Variants in CLEC9A observed in about 807,000 individuals in gnomAD.
CLEC9A encodes C-type lectin domain containing 9A, also known as C-type lectin domain family 9 member A.
In CLEC9A, 24 loss-of-function variants were observed where a neutral mutation model predicts 30.0. The ratio of observed to expected loss-of-function variants is 0.80; its 90% CI spans 0.58 to 1.13. The LOEUF is 1.13. Ranked by LOEUF, CLEC9A falls within the 50% of genes most tolerant of loss-of-function variation. The pLI is 0.00. For missense variants in CLEC9A, 251 were observed against 280.9 expected, an observed-to-expected ratio of 0.89 and a Z score of 0.76; for synonymous variants, 111 against 96.8, an observed-to-expected ratio of 1.15 and a Z score of -0.86.
At chr12:10,042,327 A>C (rs767296481) in intron 2 of CLEC9A, among the ~76,000 whole-genome samples, 1 of 152,204 alleles carries the variant, frequency 6.6e-6, no homozygotes, top group African/African-American at 2.4e-5. Context: ...CTGTCACACA[A>C]TAGCTCCTGT....
At chr12:10,061,299 T>G in intron 6 of CLEC9A, 26 bp downstream of exon 6, 2 of 1,590,878 alleles carry the variant, frequency 1.3e-6, no homozygotes, top group Non-Finnish European at 1.7e-6. Flanking sequence ...CAGTTTCCAC[T>G]GTATACATCT....
In CLEC9A at chr12:10,041,668, C is replaced by T. The variant is rs559181541; in HGVS notation, c.-163+48C>T. ...TATTTTGGAGGCAAGGGAGAAAACT[C>T]TCAAATGTAACATTTGACCTTTTTT... On this transcript the variant is annotated intron_variant, in intron 2 of 8. Coordinates refer to ENST00000355819, the MANE Select transcript of CLEC9A (RefSeq NM_207345.4). 531 of 523,952 alleles carry T rather than the reference C, an allele frequency of 1.0e-3. 2 individuals are homozygous for T. The highest frequency in any genetic ancestry group is 1.7e-3 in the Non-Finnish European group (454 of 260,738). The allele number at this position is 523,952 out of a possible 1,614,324, so 32.5% of individuals were successfully genotyped here. A position where few individuals can be genotyped will look rare whatever the true frequency, so the allele number is the denominator to read the frequency against.
At position 10,065,761 on chromosome 12, in the gene CLEC9A, G is replaced by A; in HGVS notation, c.*129G>A. 1.1e-6 allele frequency: 1 copy of A among 907,396 alleles called. No homozygotes were observed. Among genetic ancestry groups the A allele is most frequent in the Non-Finnish European group, 1.7e-6 (1 of 590,470 alleles). The allele number at this position is 907,396 out of a possible 1,614,324, so 56.2% of individuals were successfully genotyped here. The stretch of plus-strand genomic sequence containing the variant: ...GTGGGCCATGAAATTAGCAACCTGG[G>A]ACTCAATAATACACTTGGGAATATT... On this transcript the variant is annotated 3_prime_UTR_variant, in exon 9 of 9. Transcript: ENST00000355819.
chr12:10,063,168 G>C lies in CLEC9A; in HGVS notation c.433G>C (p.Gly145Arg). The change falls in exon 7 of 9, where the codon GGT (glycine) becomes CGT (arginine). Residue 145 changes from glycine to arginine, a missense_variant. By Grantham distance (125) the Gly-to-Arg change is moderately radical. Coordinates refer to ENST00000355819, the MANE Select transcript of CLEC9A (RefSeq NM_207345.4). ...CAGTCAAGAGAATTGTTTAAAGGAA[G>C]GTTCCACGCTGCTACAAATAGAGAG... ...HTSQENCLKE[G>R]STLLQIESKE... is the part of the protein sequence containing the mutation. 6.2e-7 allele frequency: 1 copy of C among 1,610,446 alleles called. No homozygotes were observed.
intron 8 of CLEC9A, 21 bp downstream of exon 8, chr12:10,064,874 C>A: frequency 6.3e-7 from 1 of 1,598,362 alleles, no homozygotes; most frequent in South Asian, 1.1e-5. Flanking sequence ...GAGTGAAATG[C>A]TACAAGAAAA....
Position 10,030,933 on chromosome 12 carries a change from A to T in CLEC9A, c.-357A>T, listed in dbSNP as rs1043039341. On this transcript the variant is annotated 5_prime_UTR_variant, in exon 1 of 9. Coordinates refer to ENST00000355819, the MANE Select transcript of CLEC9A (RefSeq NM_207345.4). Reference sequence around the variant, plus strand: ...GGTAAAGATTCCCATGTTAGCCAAGATCTAAATGATTCAAACTGATGATAC... The same window carrying T: ...GGTAAAGATTCCCATGTTAGCCAAGTTCTAAATGATTCAAACTGATGATAC... 1.3e-5 allele frequency: 2 copies of T among 152,184 alleles called. No homozygotes were observed. The highest frequency in any genetic ancestry group is 4.8e-5 in the African/African-American group (2 of 41,430). 9.4% of individuals were successfully genotyped at this position (152,184 alleles called of 1,614,324 possible).
chr12:10,052,753 A>ATGTAAG lies in CLEC9A; in HGVS notation c.69_70insAAGTGT (p.Lys22_Cys23dup). 1 of 1,613,786 alleles carries ATGTAAG rather than the reference A, an allele frequency of 6.2e-7. No homozygotes were observed. On this transcript the variant is annotated inframe_insertion, in exon 4 of 9. Transcript: ENST00000355819. ...GCCCAGCACCAGACACTTACCAGAA[A>ATGTAAG]TGTCTGTCTTCCAACAAATGTTCAG...
At chr12:10,062,957 T>G (rs1866009867) in intron 6 of CLEC9A, 98 bp from the exon 7 acceptor site, 4 of 1,011,956 alleles carry the variant, frequency 4.0e-6, no homozygotes, top group Non-Finnish European at 5.6e-6. Flanking sequence ...CGTTATGAGA[T>G]TCAGCCTCAC....
chr12:10,048,932 A>C (rs1029844715), intron 2 of CLEC9A, among the ~76,000 whole-genome samples: 26 of 152,178 alleles, frequency 1.7e-4, no homozygotes, highest in Non-Finnish European at 1.5e-5. Context: ...CTTTGCTCTG[A>C]TATATCAGAA....
At chr12:10,042,368 C>G (rs1865804911) in intron 2 of CLEC9A, among the ~76,000 whole-genome samples, 1 of 152,196 alleles carries the variant, frequency 6.6e-6, no homozygotes, top group Non-Finnish European at 1.5e-5. Context: ...TCATATCTGT[C>G]AAGAACCTCA....
chr12:10,038,944 G>A lies in CLEC9A; in HGVS notation c.-317-2522G>A, dbSNP rs141332282. Among the ~76,000 whole-genome samples, 801 of 152,346 alleles carry A rather than the reference G, an allele frequency of 5.3e-3. 3 individuals carry two copies. The highest frequency in any genetic ancestry group is 0.021 in the East Asian group (110 of 5,188). On this transcript the variant is annotated intron_variant, in intron 1 of 8. Coordinates refer to ENST00000355819, the MANE Select transcript of CLEC9A (RefSeq NM_207345.4). ...GGGGATGAGGATGGATGTGTGGTAT[G>A]GGGGTGGGCCATGCCTATTGTTGAT...
At chr12:10,044,721 T>C (rs141470010) in intron 2 of CLEC9A, among the ~76,000 whole-genome samples, 29 of 152,330 alleles carry the variant, frequency 1.9e-4, no homozygotes, top group African/African-American at 7.0e-4. Flanking sequence ...TTTGTTTCTT[T>C]GTAACTTTAC....
At chr12:10,037,047 G>A (rs556035094) in intron 1 of CLEC9A, among the ~76,000 whole-genome samples, 28 of 152,116 alleles carry the variant, frequency 1.8e-4, no homozygotes, top group Non-Finnish European at 3.8e-4. Flanking sequence ...TGTAAATAAA[G>A]ACTCAGAACA....
chr12:10,034,264 A>C (rs1865725729), intron 1 of CLEC9A, among the ~76,000 whole-genome samples: 1 of 152,226 alleles, frequency 6.6e-6, no homozygotes, highest in Non-Finnish European at 1.5e-5. Flanking sequence ...AGAGCAATAA[A>C]TGGCAGCTGT....
At chr12:10,034,718 C>T (rs1442404900) in intron 1 of CLEC9A, among the ~76,000 whole-genome samples, 1 of 152,148 alleles carries the variant, frequency 6.6e-6, no homozygotes. Flanking sequence ...TCTTCAGTGC[C>T]CCGCTACTCA....
chr12:10,045,314 C>T lies in CLEC9A; in HGVS notation c.-163+3694C>T, dbSNP rs142742343. 2.0e-5 allele frequency among the ~76,000 whole-genome samples: 3 copies of T among 152,292 alleles called. No homozygotes were observed. In the South Asian group the frequency reaches 6.2e-4, roughly 32 times the overall value. On this transcript the variant is annotated intron_variant, in intron 2 of 8. Transcript: ENST00000355819. ...ACTGCTACTGAGCTTTTCAGATATA[C>T]ATACCTTGTACTACCAAGCAGGTTG...
chr12:10,062,650 A>G lies in CLEC9A; in HGVS notation c.320-405A>G, dbSNP rs545864907. 4.6e-5 allele frequency among the ~76,000 whole-genome samples: 7 copies of G among 152,306 alleles called. No homozygotes were observed. The South Asian group carries it at 1.5e-3, about 32-fold the overall frequency. ...ACATAAATTCAGGGCTTATTATTCA[A>G]TCCATCCAATGGTCCAGTACATTTC... On this transcript the variant is annotated intron_variant, in intron 6 of 8. Transcript: ENST00000355819.
At chr12:10,052,434 C>G (rs774502292) in intron 3 of CLEC9A, 196 bp from the exon 4 acceptor site, 3 of 1,045,218 alleles carry the variant, frequency 2.9e-6, no homozygotes, top group Non-Finnish European at 3.6e-6. Context: ...AAAAAATGTT[C>G]TATCATTGGC....
chr12:10,053,136 T>C (rs980917702), intron 4 of CLEC9A, among the ~76,000 whole-genome samples: 5 of 152,192 alleles, frequency 3.3e-5, no homozygotes, highest in African/African-American at 1.2e-4. Context: ...AAAACATAGG[T>C]TGAAAAACTG....
Sources: gnomAD v4.1 joint callset for allele counts (sites outside exome capture counted in the v4.1 genomes callset) on GRCh38, gnomAD v4.1.1 for gene constraint, MANE v1.5 for transcripts, NCBI Gene and HGNC (gene_info 2026-07-23, HGNC 2026-07-21) for gene names.